The following SFSWAP variants were observed in gnomAD, a reference collection of about 807,000 sequenced individuals.
SFSWAP encodes the protein splicing factor SWAP, also known as splicing factor, suppressor of white-apricot homolog.
SFSWAP carries 17 observed loss-of-function variants against 100.7 expected under a neutral mutation model. The ratio of observed to expected loss-of-function variants is 0.17; its 90% confidence interval spans 0.12 to 0.25. The LOEUF (loss-of-function observed/expected upper bound fraction) is 0.25. Among genes scored for constraint, SFSWAP ranks in the 10% least tolerant of loss-of-function variants. The pLI, the probability that SFSWAP is intolerant of heterozygous loss-of-function variation, is 1.00. For missense variants in SFSWAP, 1,005 were observed against 1,262.6 expected, an observed-to-expected ratio of 0.80 and a Z score of 3.09; for synonymous variants, 504 against 510.1, an observed-to-expected ratio of 0.99 and a Z score of 0.16.
intron 3 of SFSWAP, among the ~76,000 whole-genome samples, chr12:131,718,979 C>T (rs1193302263): frequency 1.3e-5 from 2 of 152,108 alleles, no homozygotes; most frequent in African/African-American, 4.8e-5. Flanking sequence ...ACAGTTAACC[C>T]TTGAACAACA....
chr12:131,744,415 G>C (rs1880930600), intron 7 of SFSWAP, among the ~76,000 whole-genome samples: 2 of 152,202 alleles, frequency 1.3e-5, no homozygotes, highest in South Asian at 2.1e-4. Context: ...CAGATCTCTA[G>C]GGCAGGGGCA....
chr12:131,722,189 AAACT>A (rs1436407949), intron 4 of SFSWAP, among the ~76,000 whole-genome samples: 2 of 152,208 alleles, frequency 1.3e-5, no homozygotes, highest in Non-Finnish European at 2.9e-5. Flanking sequence ...CTTGGTTTTT[AAACT>A]AACTGTTGGT....
At chr12:131,759,197 T>C (rs143687668) in intron 11 of SFSWAP, among the ~76,000 whole-genome samples, 1 of 152,186 alleles carries the variant, frequency 6.6e-6, no homozygotes, top group African/African-American at 2.4e-5. Context: ...GTGAAAAATA[T>C]CGCTTTCTAA....
chr12:131,752,990 A>AATCT (rs1881792285), intron 7 of SFSWAP, 133 bp from the exon 8 acceptor site: 3 of 1,358,338 alleles, frequency 2.2e-6, no homozygotes, highest in Non-Finnish European at 3.0e-6. Context: ...AAAAATCTAG[A>AATCT]AAACAGCATG....
chr12:131,749,587 G>A (rs2136218951), intron 7 of SFSWAP, among the ~76,000 whole-genome samples: 1 of 152,370 alleles, frequency 6.6e-6, no homozygotes, highest in East Asian at 1.9e-4. Context: ...TCCAGTTAAA[G>A]GGTTCTGTGA....
At chr12:131,763,692 G>A (rs992939127) in intron 11 of SFSWAP, among the ~76,000 whole-genome samples, 2 of 152,098 alleles carry the variant, frequency 1.3e-5, no homozygotes, top group Non-Finnish European at 2.9e-5. Context: ...CATGGATTCT[G>A]TAATTTTTGC....
chr12:131,778,393 C>T lies in SFSWAP; in HGVS notation c.2408+63C>T. ...GACCCCCATGTCCTTCACAGGACACCCAGTAGAGCTAGGTAGAACGTTTAA... is the reference window on the plus strand; with the variant it reads ...GACCCCCATGTCCTTCACAGGACACTCAGTAGAGCTAGGTAGAACGTTTAA... On this transcript the variant is annotated intron_variant, in intron 14 of 17. Coordinates refer to ENST00000261674, the MANE Select transcript of SFSWAP (RefSeq NM_004592.4). This position sits in a 1 kb window ranked among gnomAD's most constrained non-coding sequence, Gnocchi z 4.2. 1.3e-6 allele frequency: 2 copies of T among 1,568,804 alleles called. No homozygotes were observed. Among genetic ancestry groups the T allele is most frequent in the Non-Finnish European group, 1.7e-6 (2 of 1,159,788 alleles).
rs867768652 is a variant in SFSWAP, at chr12:131,728,750, G to T, written c.1081+322G>T. Among the ~76,000 whole-genome samples the T allele has an allele frequency of 3.9e-4, 59 of 150,300 alleles. 2 individuals are homozygous for T. Among genetic ancestry groups the T allele is most frequent in the Middle Eastern group, 3.4e-3 (1 of 292 alleles). ...AGGTTTCACTCTGTCACCCAGGCCA[G>T]AGTGCAGGGATGCAAGCATGGTTCA... On this transcript the variant is annotated intron_variant, in intron 7 of 17. Coordinates refer to ENST00000261674, the MANE Select transcript of SFSWAP (RefSeq NM_004592.4).
chr12:131,765,078 C>T (rs1234889206), intron 12 of SFSWAP, among the ~76,000 whole-genome samples: 1 of 152,224 alleles, frequency 6.6e-6, no homozygotes, highest in Non-Finnish European at 1.5e-5. Flanking sequence ...TGCCTACCCA[C>T]AGAACCATTG....
chr12:131,722,751 C>T, intron 4 of SFSWAP, among the ~76,000 whole-genome samples: 1 of 151,408 alleles, frequency 6.6e-6, no homozygotes, highest in African/African-American at 2.4e-5. Flanking sequence ...AGTTCAAGAC[C>T]AGCCTGGGCA....
At position 131,733,574 on chromosome 12, in the gene SFSWAP, T is replaced by A. The variant is rs775700346; in HGVS notation, c.1081+5146T>A. Among the ~76,000 whole-genome samples the A allele has an allele frequency of 5.3e-4, 81 of 151,798 alleles. No individual in the cohort carries two copies. Among genetic ancestry groups the A allele is most frequent in the Non-Finnish European group, 9.4e-4 (64 of 67,960 alleles). On this transcript the variant is annotated intron_variant, in intron 7 of 17. Coordinates refer to ENST00000261674, the MANE Select transcript of SFSWAP (RefSeq NM_004592.4). The surrounding 1 kb of genome is among the most constrained non-coding windows in gnomAD (Gnocchi z 5.1). Reference sequence around the variant, plus strand: ...TGGAGGTGGGCGCAGCTCCATGTTCTCGGGGGATTTCTTCACTGTGTTTCT... The same window carrying A: ...TGGAGGTGGGCGCAGCTCCATGTTCACGGGGGATTTCTTCACTGTGTTTCT...
rs1389929670 is a variant in SFSWAP, at chr12:131,725,435, G to A, written c.637G>A (p.Glu213Lys). The stretch of plus-strand genomic sequence containing the variant: ...AACCGCTAAAATGCACGCCATCATC[G>A]AGCGCACGGCCAGCTTCGTGTGCAG... Reference protein sequence around the residue: ...PPTAKMHAIIERTASFVCRQG... With the variant: ...PPTAKMHAIIKRTASFVCRQG... Residue 213 changes from glutamate (E) to lysine (K), a missense_variant, in exon 5 of 18, where the codon GAG (glutamate) becomes AAG (lysine). Coordinates refer to ENST00000261674, the MANE Select transcript of SFSWAP (RefSeq NM_004592.4). The surrounding 1 kb of genome is among the most constrained non-coding windows in gnomAD (Gnocchi z 4.3). 2 of 1,614,134 alleles carry A rather than the reference G, an allele frequency of 1.2e-6. No homozygotes were observed. Among genetic ancestry groups the A allele is most frequent in the Non-Finnish European group, 1.7e-6 (2 of 1,180,036 alleles).
intron 7 of SFSWAP, among the ~76,000 whole-genome samples, chr12:131,746,603 G>T (rs1881123210): frequency 6.6e-6 from 1 of 152,140 alleles, no homozygotes; most frequent in African/African-American, 2.4e-5. Context: ...TCTGTATTTT[G>T]CTGGAGCACA....
Position 131,719,474 on chromosome 12 carries a change from T to G in SFSWAP, c.541T>G (p.Leu181Val), listed in dbSNP as rs1335637414. The change falls in exon 4 of 18, where the codon TTA becomes GTA. Residue 181 changes from leucine (L) to valine (V), a missense_variant. Coordinates refer to ENST00000261674, the MANE Select transcript of SFSWAP (RefSeq NM_004592.4). ...KQREKNEAEN[L>V]EENEEPFVAP... ...TGCAGAAAAAAATGAGGCCGAAAAT[T>G]TAGAGGAAAATGAAGAGCCCTTCGT... is the stretch of plus-strand genomic sequence containing the variant. 6.2e-7 allele frequency: 1 copy of G among 1,614,100 alleles called. No individual in the cohort carries two copies. The highest frequency in any genetic ancestry group is 1.1e-5 in the South Asian group (1 of 91,074).
intron 7 of SFSWAP, 37 bp from the exon 8 acceptor site, chr12:131,753,086 C>T: frequency 6.2e-7 from 1 of 1,609,396 alleles, no homozygotes. Flanking sequence ...CAGCCTGTGG[C>T]CGGCCATGCT....
intron 7 of SFSWAP, among the ~76,000 whole-genome samples, chr12:131,742,180 A>G (rs1880705708): frequency 6.6e-6 from 1 of 152,178 alleles, no homozygotes; most frequent in Admixed American, 6.5e-5. Flanking sequence ...CCCCAGGTCC[A>G]CAAGCCCCGT....
At chr12:131,735,434 G>A (rs1879916284) in intron 7 of SFSWAP, among the ~76,000 whole-genome samples, 2 of 152,184 alleles carry the variant, frequency 1.3e-5, no homozygotes, top group South Asian at 4.2e-4. Context: ...GTTAATTCTG[G>A]AACATTTTGG....
At chr12:131,786,328 C>T (rs2136271172) in intron 14 of SFSWAP, 135 bp from the exon 15 acceptor site, 2 of 1,076,458 alleles carry the variant, frequency 1.9e-6, no homozygotes, top group East Asian at 2.7e-5. Context: ...TCTCTGAAGC[C>T]TCAGGGTCTA....
chr12:131,727,068 T>C lies in SFSWAP; in HGVS notation c.945+16T>C. The C allele has an allele frequency of 7.0e-7, 1 of 1,422,182 alleles. No individual in the cohort carries two copies. Among genetic ancestry groups the C allele is most frequent in the Non-Finnish European group, 9.9e-7 (1 of 1,012,440 alleles). The allele number at this position is 1,422,182 out of a possible 1,614,324, so 88.1% of individuals were successfully genotyped here. The stretch of plus-strand genomic sequence containing the variant: ...GCTGATGAAGGTTTTTATCTCATTG[T>C]TGAACTATATTTTTATGCCACCACA... On this transcript the variant is annotated intron_variant, in intron 6 of 17. Coordinates refer to ENST00000261674, the MANE Select transcript of SFSWAP (RefSeq NM_004592.4).
Sources: gnomAD v4.1 joint callset for allele counts (sites outside exome capture counted in the v4.1 genomes callset) on GRCh38, gnomAD v4.1.1 for gene constraint, Gnocchi (gnomAD v3.1) non-coding constraint, MANE v1.5 for transcripts, NCBI Gene and HGNC (gene_info 2026-07-23, HGNC 2026-07-21) for gene names.